Variants in FLVCR2 observed in about 807,000 individuals in gnomAD.
FLVCR2 encodes the protein FLVCR choline and putative heme transporter 2.
FLVCR2 carries 38 observed loss-of-function variants against 48.9 expected under a neutral mutation model. The observed-to-expected ratio is 0.78, with a 90% CI of 0.60 to 1.02. The LOEUF is 1.02. FLVCR2 is among the 50% of genes least tolerant of loss of function. The pLI, the probability that FLVCR2 is intolerant of heterozygous loss-of-function variation, is 0.00. For missense variants in FLVCR2, 664 were observed against 663.3 expected (o/e 1.00, Z -0.01); for synonymous variants, 255 against 257.0 (o/e 0.99, Z 0.07).
At position 75,630,855 on chromosome 14, in the gene FLVCR2, T is replaced by C. The variant is rs188082002; in HGVS notation, c.953-2774T>C. Among the ~76,000 whole-genome samples, 293 of 152,206 alleles carry C rather than the reference T, an allele frequency of 1.9e-3. 1 individual carries two copies. Among genetic ancestry groups the C allele is most frequent in the African/African-American group, 6.9e-3 (285 of 41,524 alleles). On this transcript the variant is annotated intron_variant, in intron 3 of 9. Transcript: ENST00000238667. ...AGGCCTTTCAGGGAAGATCACATTT[T>C]CTCTTCCCTGGCCCAGCAGGCTCAC... is the stretch of plus-strand genomic sequence containing the variant.
Position 75,639,481 on chromosome 14 carries a change from T to C in FLVCR2, c.1235+19T>C. The C allele has an allele frequency of 1.3e-6, 2 of 1,519,256 alleles. No homozygotes were observed. Among genetic ancestry groups the C allele is most frequent in the Non-Finnish European group, 1.8e-6 (2 of 1,093,642 alleles). The allele number at this position is 1,519,256 out of a possible 1,614,324, so 94.1% of individuals were successfully genotyped here. A position where few individuals can be genotyped will look rare whatever the true frequency, so the allele number is the denominator to read the frequency against. On this transcript the variant is annotated intron_variant, in intron 6 of 9. Transcript: ENST00000238667. ...CAATGGGGTAAGTTTCACCTCTGGC[T>C]GATTTATTAGAAAATACCATGCCAT...
At chr14:75,628,494 A>T (rs1027855016) in intron 3 of FLVCR2, among the ~76,000 whole-genome samples, 1 of 152,178 alleles carries the variant, frequency 6.6e-6, no homozygotes, top group Non-Finnish European at 1.5e-5. Context: ...GAAGAACAAA[A>T]TGGTTCATAC....
intron 1 of FLVCR2, 71 bp from the exon 2 acceptor site, chr14:75,622,008 A>G: frequency 6.8e-7 from 1 of 1,470,894 alleles, no homozygotes; most frequent in Non-Finnish European, 9.5e-7. Context: ...CTTATTAGGA[A>G]TCTCTTTACA....
chr14:75,595,861 T>C, intron 1 of FLVCR2: 1 of 1,021,188 alleles, frequency 9.8e-7, no homozygotes, highest in Non-Finnish European at 1.6e-6. Context: ...CCCCTGACTT[T>C]CCTCATTCTG....
At chr14:75,588,961 G>A (rs186260347) in intron 1 of FLVCR2, among the ~76,000 whole-genome samples, 1 of 152,218 alleles carries the variant, frequency 6.6e-6, no homozygotes, top group African/African-American at 2.4e-5. Flanking sequence ...AATCACATAT[G>A]AGGGAGACTC....
At chr14:75,616,899 A>C (rs754765966) in intron 1 of FLVCR2, among the ~76,000 whole-genome samples, 4 of 152,192 alleles carry the variant, frequency 2.6e-5, no homozygotes, top group Non-Finnish European at 4.4e-5. Context: ...TGAAGCCCTC[A>C]CCACTGTGTG....
chr14:75,610,945 G>T (rs1377709634), intron 1 of FLVCR2, among the ~76,000 whole-genome samples: 1 of 152,198 alleles, frequency 6.6e-6, no homozygotes, highest in African/African-American at 2.4e-5. Context: ...ACTTGAGTGA[G>T]GTTTGAGCTG....
At chr14:75,601,066 C>A (rs1006091316) in intron 1 of FLVCR2, among the ~76,000 whole-genome samples, 2 of 152,164 alleles carry the variant, frequency 1.3e-5, no homozygotes, top group African/African-American at 4.8e-5. Context: ...AGCCGAGAAC[C>A]CCCAACAAAG....
chr14:75,639,487 A>G, intron 6 of FLVCR2, 25 bp downstream of exon 6: 1 of 1,472,126 alleles, frequency 6.8e-7, no homozygotes, highest in Non-Finnish European at 9.5e-7. Flanking sequence ...TGGCTGATTT[A>G]TTAGAAAATA....
intron 3 of FLVCR2, among the ~76,000 whole-genome samples, chr14:75,629,164 A>T (rs558282594): frequency 1.3e-5 from 2 of 152,294 alleles, no homozygotes; most frequent in East Asian, 3.9e-4. Context: ...ACACTCTTAG[A>T]GGTAGGGTTG....
At position 75,641,271 on chromosome 14, in the gene FLVCR2, T is replaced by C. The variant is rs769582396; in HGVS notation, c.1431T>C (p.Leu477=). The C allele has an allele frequency of 2.4e-5, 39 of 1,613,728 alleles. No individual in the cohort carries two copies. Among genetic ancestry groups the C allele is most frequent in the Middle Eastern group, 3.3e-4 (2 of 6,084 alleles). The change falls in exon 8 of 10, where the codon CTT becomes CTC. Residue 477 remains leucine (L), a synonymous_variant. Coordinates refer to ENST00000238667, the MANE Select transcript of FLVCR2 (RefSeq NM_017791.3). ...KPGNIFLCVF[L]TLGAALTAFI... ...GGAACATCTTCCTGTGTGTGTTCCT[T>C]ACTCTTGGAGCAGCCCTCACTGGTG...
In FLVCR2 at chr14:75,639,228, T is replaced by G. The variant is rs539828515; in HGVS notation, c.1125-124T>G. 533 of 742,100 alleles carry G rather than the reference T, an allele frequency of 7.2e-4. 2 individuals carry two copies. The highest frequency in any genetic ancestry group is 2.2e-3 in the Admixed American group (109 of 49,670). The allele number at this position is 742,100 out of a possible 1,614,324, so 46.0% of individuals were successfully genotyped here. On this transcript the variant is annotated intron_variant, in intron 5 of 9. Coordinates refer to ENST00000238667, the MANE Select transcript of FLVCR2 (RefSeq NM_017791.3). ...ACTGTCTCTGAAAACAAAACAAAACTCCAAGAACATAGCAGAGGGCTTGAC... is the reference window on the plus strand; with the variant it reads ...ACTGTCTCTGAAAACAAAACAAAACGCCAAGAACATAGCAGAGGGCTTGAC...
intron 3 of FLVCR2, among the ~76,000 whole-genome samples, chr14:75,630,238 T>C (rs1223717113): frequency 6.6e-6 from 1 of 152,124 alleles, no homozygotes; most frequent in African/African-American, 2.4e-5. Context: ...AATTCTGACT[T>C]GCAGCAGAGT....
intron 1 of FLVCR2, among the ~76,000 whole-genome samples, chr14:75,598,267 G>A (rs7157098): frequency 0.43 from 65,592 of 151,964 alleles, 19,772 homozygotes; most frequent in African/African-American, 0.83. Flanking sequence ...TGATTCACCT[G>A]AGGTACTGAA....
rs1285632243 is a variant in FLVCR2, at chr14:75,579,504, C to G, written c.532C>G (p.Pro178Ala). The G allele has an allele frequency of 6.2e-7, 1 of 1,612,916 alleles. No individual in the cohort carries two copies. Among genetic ancestry groups the G allele is most frequent in the South Asian group, 1.1e-5 (1 of 91,058 alleles). The stretch of plus-strand genomic sequence containing the variant: ...GGGCAGCCTGAAGCCGCATCTCTTT[C>G]CGGTCACCGTGGTGGGCCAGCTCAT... ...KLGSLKPHLFPVTVVGQLICS... is the reference protein window; with the variant it reads ...KLGSLKPHLFAVTVVGQLICS... The change falls in exon 1 of 10, where the codon CCG (proline) becomes GCG (alanine). Residue 178 changes from proline to alanine, a missense_variant. Coordinates refer to ENST00000238667, the MANE Select transcript of FLVCR2 (RefSeq NM_017791.3).
At chr14:75,582,588 T>C (rs1417659081) in intron 1 of FLVCR2, among the ~76,000 whole-genome samples, 1 of 152,172 alleles carries the variant, frequency 6.6e-6, no homozygotes, top group Non-Finnish European at 1.5e-5. Context: ...TCAAGTTGTT[T>C]GGACAGAAAG....
rs1415859686 is a variant in FLVCR2, at chr14:75,578,821, C to T, written c.-152C>T. On this transcript the variant is annotated 5_prime_UTR_variant, in exon 1 of 10. Coordinates refer to ENST00000238667, the MANE Select transcript of FLVCR2 (RefSeq NM_017791.3). ...GGAGCTTGGAGGTGAGCACAGGAAG[C>T]CCCACTTGAGGCTTTTACGCAGCCT... The T allele has an allele frequency of 2.8e-6, 2 of 726,610 alleles. No homozygotes were observed. Among genetic ancestry groups the T allele is most frequent in the African/African-American group, 1.8e-5 (1 of 56,308 alleles). 45.0% of individuals were successfully genotyped at this position (726,610 alleles called of 1,614,324 possible).
chr14:75,596,062 T>G, intron 1 of FLVCR2: 7 of 1,251,872 alleles, frequency 5.6e-6, no homozygotes, highest in South Asian at 1.2e-5. Flanking sequence ...AGTGTGGTCT[T>G]GTACATTTTG....
At chr14:75,599,335 CA>C (rs1555375617) in intron 1 of FLVCR2, among the ~76,000 whole-genome samples, 14 of 150,814 alleles carry the variant, frequency 9.3e-5, no homozygotes, top group Admixed American at 5.9e-4. Context: ...CACCCCCCCC[CA>C]AAAAATTAAG....
Sources: gnomAD v4.1 joint callset for allele counts (sites outside exome capture counted in the v4.1 genomes callset) on GRCh38, gnomAD v4.1.1 for gene constraint, MANE v1.5 for transcripts, NCBI Gene and HGNC (gene_info 2026-07-23, HGNC 2026-07-21) for gene names.